STXBP4: variants seen among roughly 807,000 people sequenced by gnomAD.
The protein encoded by STXBP4 is syntaxin-binding protein 4.
Under a neutral mutation model 76.1 loss-of-function variants are expected in STXBP4, and 55 were observed. That is an observed-to-expected ratio of 0.72 (90% CI 0.58 to 0.91). STXBP4 has a LOEUF of 0.91. Ranked by LOEUF, STXBP4 falls within the 40% of genes least tolerant of loss-of-function variation. The pLI is 0.00. For synonymous variants in STXBP4, 201 were observed against 220.2 expected (o/e 0.91, Z 0.77); for missense variants, 618 against 636.9 (o/e 0.97, Z 0.32).
chr17:54,987,197 A>T (rs868187229), intron 3 of STXBP4, among the ~76,000 whole-genome samples: 30 of 152,308 alleles, frequency 2.0e-4, no homozygotes, highest in African/African-American at 6.7e-4. Flanking sequence ...AACGTAAAAC[A>T]TACCTTTAAC....
rs983070523 is a variant in STXBP4, at chr17:55,169,295, A to G, written c.*9384A>G. 3.4e-5 allele frequency: 5 copies of G among 149,158 alleles called. No individual in the cohort carries two copies. The highest frequency in any genetic ancestry group is 2.1e-4 in the South Asian group (1 of 4,666). The allele number at this position is 149,158 out of a possible 1,614,324, so 9.2% of individuals were successfully genotyped here. On this transcript the variant is annotated 3_prime_UTR_variant, in exon 18 of 18. Transcript: ENST00000376352. ...AGAGCCCTAGAGACAAAAAGGTTCT[A>G]CAGTAGGTTCAAGTCAGAGGCCAGA...
chr17:55,059,776 G>A (rs1267479999), intron 12 of STXBP4, among the ~76,000 whole-genome samples: 1 of 152,084 alleles, frequency 6.6e-6, no homozygotes, highest in East Asian at 1.9e-4. Flanking sequence ...AATTTGAGAA[G>A]CTCTTGTCCA....
At chr17:55,021,895 T>C (rs2078319362) in intron 8 of STXBP4, among the ~76,000 whole-genome samples, 2 of 152,194 alleles carry the variant, frequency 1.3e-5, no homozygotes, top group African/African-American at 4.8e-5. Flanking sequence ...GCCTATGATT[T>C]TCAGGCAATA....
At chr17:55,023,616 A>T (rs1470517772) in intron 8 of STXBP4, among the ~76,000 whole-genome samples, 2 of 152,190 alleles carry the variant, frequency 1.3e-5, no homozygotes, top group East Asian at 3.8e-4. Flanking sequence ...TGGATTAGAG[A>T]TGCTAAACCT....
the STXBP4 span, among the ~76,000 whole-genome samples, chr17:55,186,253 C>G: frequency 0.85 from 128,958 of 152,192 alleles, 55,141 homozygotes; most frequent in African/African-American, 0.94. Context: ...ACCCATCCTG[C>G]AGTGCATAAA....
chr17:54,999,567 T>A, intron 5 of STXBP4, 65 bp from the exon 6 acceptor site: 1 of 1,482,776 alleles, frequency 6.7e-7, no homozygotes, highest in Non-Finnish European at 9.2e-7. Flanking sequence ...TCTGAAACAT[T>A]ATCTTGGATT....
downstream of STXBP4, among the ~76,000 whole-genome samples, chr17:55,178,534 G>A (rs558347943): frequency 1.6e-4 from 25 of 152,306 alleles, no homozygotes; most frequent in Non-Finnish European, 2.5e-4. Flanking sequence ...CTGCTATACT[G>A]CAATCACTTA....
chr17:55,197,598 C>T, the STXBP4 span, among the ~76,000 whole-genome samples: 1 of 152,126 alleles, frequency 6.6e-6, no homozygotes, highest in Non-Finnish European at 1.5e-5. Context: ...AAAAAATCAG[C>T]CAGGCGTGGT....
intron 16 of STXBP4, among the ~76,000 whole-genome samples, chr17:55,090,855 C>CTGTG (rs57750914): frequency 2.0e-4 from 29 of 147,410 alleles, no homozygotes; most frequent in South Asian, 8.9e-4. Context: ...GTGTGTGTGT[C>CTGTG]TGTGTGTGTG....
chr17:55,089,311 T>C (rs1480511549), intron 16 of STXBP4, among the ~76,000 whole-genome samples: 1 of 152,222 alleles, frequency 6.6e-6, no homozygotes, highest in Non-Finnish European at 1.5e-5. Flanking sequence ...TAAATTATTA[T>C]TGTCTAAAGC....
chr17:55,128,900 C>T (rs987476300), intron 16 of STXBP4, among the ~76,000 whole-genome samples: 2 of 150,392 alleles, frequency 1.3e-5, no homozygotes, highest in Non-Finnish European at 1.5e-5. Context: ...CAGGTGTGAG[C>T]CACTGCGTCC....
chr17:55,157,975 A>G (rs1049138293), intron 17 of STXBP4, among the ~76,000 whole-genome samples: 2 of 152,208 alleles, frequency 1.3e-5, no homozygotes, highest in African/African-American at 4.8e-5. Flanking sequence ...TAGCATATTA[A>G]AATCTCTGGG....
intron 16 of STXBP4, among the ~76,000 whole-genome samples, chr17:55,105,637 T>TA (rs2079625219): frequency 6.9e-6 from 1 of 144,742 alleles, no homozygotes; most frequent in African/African-American, 2.8e-5. Flanking sequence ...ACCCAGCTAA[T>TA]ATTTTTTTTT....
rs1484190673 is a variant in STXBP4, at chr17:55,031,203, A to G, written c.702A>G (p.Glu234=). 6 of 1,613,346 alleles carry G rather than the reference A, an allele frequency of 3.7e-6. No homozygotes were observed. The highest frequency in any genetic ancestry group is 5.1e-6 in the Non-Finnish European group (6 of 1,179,520). ...ATCTTGGTATTCAGCCCACAAAGGA[A>G]CAACACCAAGCCCTGAGACAGCAAG... is the stretch of plus-strand genomic sequence containing the variant. ...LNYLGIQPTK[E]QHQALRQQVQ... The change falls in exon 9 of 18, where the codon GAA becomes GAG. Residue 234 remains glutamate (E), a synonymous_variant. Transcript: ENST00000376352.
the STXBP4 span, among the ~76,000 whole-genome samples, chr17:55,191,744 C>T: frequency 6.6e-6 from 1 of 152,140 alleles, no homozygotes; most frequent in Non-Finnish European, 1.5e-5. Flanking sequence ...CTCTGATTCT[C>T]CAGGCACTAA....
At chr17:55,091,643 T>A (rs1249818678) in intron 16 of STXBP4, among the ~76,000 whole-genome samples, 4 of 152,188 alleles carry the variant, frequency 2.6e-5, no homozygotes, top group Non-Finnish European at 5.9e-5. Context: ...AGCTTTGATA[T>A]ATTTTTTTCT....
At chr17:55,014,485 C>A (rs748228603) in intron 8 of STXBP4, among the ~76,000 whole-genome samples, 1 of 152,054 alleles carries the variant, frequency 6.6e-6, no homozygotes, top group Non-Finnish European at 1.5e-5. Context: ...CCTAGGACCC[C>A]TCGGATAGTG....
the STXBP4 span, among the ~76,000 whole-genome samples, chr17:55,182,508 A>T: frequency 6.6e-6 from 1 of 152,284 alleles, no homozygotes; most frequent in South Asian, 2.1e-4. Flanking sequence ...TGAGTCTCAG[A>T]ATATACAGAG....
chr17:55,039,985 T>A (rs1213002163), intron 10 of STXBP4, among the ~76,000 whole-genome samples: 1 of 152,074 alleles, frequency 6.6e-6, no homozygotes, highest in East Asian at 1.9e-4. Context: ...TAATAGTGAA[T>A]GTGCTCACTC....
Sources: gnomAD v4.1 joint callset for allele counts (sites outside exome capture counted in the v4.1 genomes callset) on GRCh38, gnomAD v4.1.1 for gene constraint, MANE v1.5 for transcripts, NCBI Gene and HGNC (gene_info 2026-07-23, HGNC 2026-07-21) for gene names.